Variants in ZNF410 observed in about 807,000 individuals in gnomAD.
ZNF410 encodes the protein another partner for ARF 1.
ZNF410 carries 18 observed loss-of-function variants against 54.8 expected under a neutral mutation model. That is an observed-to-expected ratio of 0.33 (90% confidence interval 0.23 to 0.49). The LOEUF (loss-of-function observed/expected upper bound fraction) is 0.49. Ranked by LOEUF, ZNF410 falls within the 20% of genes least tolerant of loss-of-function variation. The pLI is 0.99. For synonymous variants in ZNF410, 191 were observed against 207.3 expected (o/e 0.92, Z 0.68); for missense variants, 405 against 569.6 (o/e 0.71, Z 2.94).
rs369282610 is a variant in ZNF410 at position 73,931,596 on chromosome 14, C to G, written c.*55C>G. 4.1e-4 allele frequency: 629 copies of G among 1,544,822 alleles called. 3 individuals carry two copies. The highest frequency in any genetic ancestry group is 2.9e-3 in the Middle Eastern group (17 of 5,950). ...TCTATCTGATCTCAAAATGCGTATA[C>G]TGGGAACAGGATGCCTTAGCCCACA... On this transcript the variant is annotated 3_prime_UTR_variant, in exon 12 of 12. Coordinates refer to ENST00000555044, the MANE Select transcript of ZNF410 (RefSeq NM_021188.3).
chr14:73,903,857 T>C (rs1443119260), intron 5 of ZNF410, 103 bp from the exon 6 acceptor site: 14 of 1,426,952 alleles, frequency 9.8e-6, no homozygotes, highest in Non-Finnish European at 1.2e-5. Flanking sequence ...GATAGATACC[T>C]GATTAATGAT....
intron 8 of ZNF410, among the ~76,000 whole-genome samples, chr14:73,910,790 A>G (rs948705905): frequency 8.1e-6 from 1 of 124,178 alleles, no homozygotes; most frequent in Non-Finnish European, 1.6e-5. Context: ...TAGTTTCAGG[A>G]GGTTGAGGCT....
chr14:73,902,536 G>A (rs150384581), intron 5 of ZNF410, among the ~76,000 whole-genome samples: 254 of 152,172 alleles, frequency 1.7e-3, no homozygotes, highest in African/African-American at 5.9e-3. Flanking sequence ...ATTAATAGAT[G>A]GGACAGAAAC....
chr14:73,905,968 C>CACACACAT (rs1461702433), intron 7 of ZNF410, among the ~76,000 whole-genome samples: 3 of 78,932 alleles, frequency 3.8e-5, no homozygotes, highest in African/African-American at 1.3e-4. Context: ...CACACACACA[C>CACACACAT]ATATATATAT....
At chr14:73,911,311 A>G (rs963818055) in intron 8 of ZNF410, among the ~76,000 whole-genome samples, 1 of 152,174 alleles carries the variant, frequency 6.6e-6, no homozygotes, top group Admixed American at 6.5e-5. Context: ...TCATTGTTGA[A>G]TGACTGGCCG....
intron 11 of ZNF410, among the ~76,000 whole-genome samples, chr14:73,930,450 A>T (rs1449116053): frequency 6.6e-6 from 1 of 152,144 alleles, no homozygotes; most frequent in Non-Finnish European, 1.5e-5. Context: ...GGCATGAGCC[A>T]TGGTGCCCAG....
intron 11 of ZNF410, among the ~76,000 whole-genome samples, chr14:73,928,456 G>C (rs1021647996): frequency 1.3e-5 from 2 of 152,160 alleles, no homozygotes; most frequent in African/African-American, 4.8e-5. Context: ...TTTTATCCTG[G>C]GGGCACTGAA....
At chr14:73,887,867 T>C (rs2055168455) in intron 1 of ZNF410, among the ~76,000 whole-genome samples, 1 of 152,210 alleles carries the variant, frequency 6.6e-6, no homozygotes, top group Non-Finnish European at 1.5e-5. Context: ...AGTTTTTCTG[T>C]AAACGAAGGG....
intron 8 of ZNF410, among the ~76,000 whole-genome samples, chr14:73,919,381 A>G (rs894991675): frequency 2.6e-5 from 4 of 151,958 alleles, no homozygotes; most frequent in Non-Finnish European, 4.4e-5. Context: ...TTGGGCTACT[A>G]ATGACCCTGT....
At chr14:73,929,340 A>G (rs551105929) in intron 11 of ZNF410, among the ~76,000 whole-genome samples, 3 of 151,642 alleles carry the variant, frequency 2.0e-5, no homozygotes, top group South Asian at 4.2e-4. Flanking sequence ...ATAACTTGCT[A>G]TTTCTCCAGT....
At chr14:73,891,848 A>T (rs1327193328) in intron 1 of ZNF410, 179 bp from the exon 2 acceptor site, 1 of 588,056 alleles carries the variant, frequency 1.7e-6, no homozygotes, top group Non-Finnish European at 3.0e-6. Context: ...AAAGCGTAGT[A>T]TTTTTATGGG....
At chr14:73,907,671 C>T (rs947079726) in intron 7 of ZNF410, among the ~76,000 whole-genome samples, 12 of 152,120 alleles carry the variant, frequency 7.9e-5, no homozygotes, top group African/African-American at 2.9e-4. Context: ...GCGAGTGGAT[C>T]ACCTGAGGTC....
At chr14:73,904,215 TC>T in intron 6 of ZNF410, 105 bp downstream of exon 6, 2 of 1,210,912 alleles carry the variant, frequency 1.7e-6, no homozygotes, top group Non-Finnish European at 1.1e-6. Context: ...AAGTAGGGAC[TC>T]CAGTTAACTT....
chr14:73,900,473 C>G (rs2069668538), intron 5 of ZNF410, among the ~76,000 whole-genome samples: 1 of 151,198 alleles, frequency 6.6e-6, no homozygotes, highest in Non-Finnish European at 1.5e-5. Context: ...CTCCTGGGCT[C>G]AAGTGATTCT....
intron 11 of ZNF410, among the ~76,000 whole-genome samples, chr14:73,926,705 G>A (rs939221434): frequency 1.3e-5 from 2 of 151,800 alleles, no homozygotes; most frequent in African/African-American, 4.8e-5. Context: ...AAAGTGCTGG[G>A]ATTACAGGCG....
Position 73,932,520 on chromosome 14 carries a change from C to T in ZNF410, c.*979C>T, listed in dbSNP as rs1440720569. 5.0e-5 allele frequency: 22 copies of T among 443,682 alleles called. No individual in the cohort carries two copies. Among genetic ancestry groups the T allele is most frequent in the Non-Finnish European group, 8.5e-5 (19 of 224,094 alleles). The allele number at this position is 443,682 out of a possible 1,614,324, so 27.5% of individuals were successfully genotyped here. A position where few individuals can be genotyped will look rare whatever the true frequency, so the allele number is the denominator to read the frequency against. ...AAAAACAGATACTTCTGAATTTTTCCACAAAGATAGTTTTTTTAAAAAAGC... is the reference window on the plus strand; with the variant it reads ...AAAAACAGATACTTCTGAATTTTTCTACAAAGATAGTTTTTTTAAAAAAGC... On this transcript the variant is annotated 3_prime_UTR_variant, in exon 12 of 12. Transcript: ENST00000555044.
chr14:73,931,635 G>C lies in ZNF410; in HGVS notation c.*94G>C, dbSNP rs1352284948. On this transcript the variant is annotated 3_prime_UTR_variant, in exon 12 of 12. Coordinates refer to ENST00000555044, the MANE Select transcript of ZNF410 (RefSeq NM_021188.3). ...CCTTAGCCCACAACAGAACCAGAATGAATCTTTGAAGGCACAAGACTCTGC... is the reference window on the plus strand; with the variant it reads ...CCTTAGCCCACAACAGAACCAGAATCAATCTTTGAAGGCACAAGACTCTGC... 7 of 1,182,490 alleles carry C rather than the reference G, an allele frequency of 5.9e-6. No homozygotes were observed. The highest frequency in any genetic ancestry group is 7.4e-6 in the Non-Finnish European group (6 of 806,740). The allele number at this position is 1,182,490 out of a possible 1,614,324, so 73.2% of individuals were successfully genotyped here.
At chr14:73,921,338 C>A in intron 9 of ZNF410, 1 of 419,830 alleles carries the variant, frequency 2.4e-6, no homozygotes, top group African/African-American at 2.0e-5. Context: ...ACAAAGCAAT[C>A]TGATAAATGA....
intron 4 of ZNF410, among the ~76,000 whole-genome samples, chr14:73,897,801 G>A (rs113689426): frequency 5.4e-4 from 82 of 151,972 alleles, no homozygotes; most frequent in African/African-American, 1.9e-3. Context: ...GTGAAACCCC[G>A]TCTCTACTAA....
Sources: allele counts gnomAD v4.1 joint callset (sites outside exome capture counted in the v4.1 genomes callset), GRCh38; gene constraint gnomAD v4.1.1; transcripts MANE v1.5; gene names NCBI Gene and HGNC (gene_info 2026-07-23, HGNC 2026-07-21).